LMX1A: variants seen among roughly 807,000 people sequenced by gnomAD.
LMX1A encodes the protein LIM homeobox transcription factor 1-alpha.
A neutral mutation model predicts 49.1 loss-of-function variants in LMX1A; 15 were observed. The ratio of observed to expected loss-of-function variants is 0.31; its 90% CI spans 0.20 to 0.47. LMX1A has a LOEUF of 0.47. Among genes scored for constraint, LMX1A ranks in the 20% least tolerant of loss-of-function variants. The pLI, the probability that LMX1A is intolerant of heterozygous loss-of-function variation, is 1.00. For synonymous variants in LMX1A, 167 were observed against 185.7 expected (o/e 0.90, Z 0.82); for missense variants, 372 against 475.8 (o/e 0.78, Z 2.03).
At chr1:165,285,005 CA>C (rs1234452025) in intron 3 of LMX1A, among the ~76,000 whole-genome samples, 2 of 152,218 alleles carry the variant, frequency 1.3e-5, no homozygotes, top group African/African-American at 4.8e-5. Flanking sequence ...CTGGCTATGC[CA>C]GATGGGAAGT....
intron 4 of LMX1A, among the ~76,000 whole-genome samples, chr1:165,227,676 AT>A (rs983386196): frequency 1.3e-5 from 2 of 152,098 alleles, no homozygotes; most frequent in African/African-American, 4.8e-5. Flanking sequence ...AAAAGTACTT[AT>A]TTTCCCCAAA....
chr1:165,345,347 G>C (rs1055366387), intron 3 of LMX1A, among the ~76,000 whole-genome samples: 1 of 152,196 alleles, frequency 6.6e-6, no homozygotes, highest in African/African-American at 2.4e-5. Context: ...CTGGTGCTAA[G>C]AGATGAAGGA....
intron 3 of LMX1A, among the ~76,000 whole-genome samples, chr1:165,300,772 C>CT (rs1336347979): frequency 6.6e-6 from 1 of 152,224 alleles, no homozygotes; most frequent in Non-Finnish European, 1.5e-5. Flanking sequence ...TTGCAGAGCA[C>CT]TTGCATATAA....
Position 165,353,057 on chromosome 1 carries a change from C to T in LMX1A, c.263+19G>A. ...TGATGCCAGTGCGCGGGGAGCGCTGCGGGGGTGCGGCCACTTACTTCTCGT... is the reference window on the plus strand; with the variant it reads ...TGATGCCAGTGCGCGGGGAGCGCTGTGGGGGTGCGGCCACTTACTTCTCGT... On this transcript the variant is annotated intron_variant, in intron 3 of 8. Transcript: ENST00000342310. 1 of 1,612,442 alleles carries T rather than the reference C, an allele frequency of 6.2e-7. No homozygotes were observed.
At chr1:165,323,812 T>C (rs939288897) in intron 3 of LMX1A, among the ~76,000 whole-genome samples, 9 of 151,900 alleles carry the variant, frequency 5.9e-5, no homozygotes, top group African/African-American at 1.9e-4. Flanking sequence ...TACTTTCACA[T>C]CTGTGCTTTT....
chr1:165,216,281 G>C (rs1342126111), intron 4 of LMX1A: 1 of 152,182 alleles, frequency 6.6e-6, no homozygotes, highest in Non-Finnish European at 1.5e-5. Flanking sequence ...GAGGATAAAA[G>C]GTAGAAAAAA....
At chr1:165,213,577 A>G in intron 5 of LMX1A, 64 bp downstream of exon 5, 1 of 1,418,818 alleles carries the variant, frequency 7.0e-7, no homozygotes, top group South Asian at 1.3e-5. Context: ...GAGATCCCAG[A>G]GGGGTCTGAG....
intron 4 of LMX1A, among the ~76,000 whole-genome samples, chr1:165,235,852 C>G (rs1056211453): frequency 2.6e-5 from 4 of 152,212 alleles, no homozygotes; most frequent in African/African-American, 9.6e-5. Flanking sequence ...GAACATATGG[C>G]CCTACCGCCG....
At chr1:165,209,137 C>A (rs1300513941) in intron 6 of LMX1A, among the ~76,000 whole-genome samples, 1 of 152,164 alleles carries the variant, frequency 6.6e-6, no homozygotes, top group Non-Finnish European at 1.5e-5. Context: ...TTTATGAATC[C>A]ATAGGCTATA....
At chr1:165,275,820 G>A (rs1055973511) in intron 3 of LMX1A, among the ~76,000 whole-genome samples, 3 of 150,450 alleles carry the variant, frequency 2.0e-5, no homozygotes, top group Non-Finnish European at 4.4e-5. Context: ...GGTTTCTAGA[G>A]CTTTTATGGC....
At chr1:165,274,949 A>G (rs1571195010) in intron 3 of LMX1A, among the ~76,000 whole-genome samples, 2 of 152,326 alleles carry the variant, frequency 1.3e-5, no homozygotes, top group African/African-American at 2.4e-5. Context: ...TAGGTGCTCA[A>G]TAATTGGTAG....
chr1:165,315,189 T>C (rs1655183896), intron 3 of LMX1A, among the ~76,000 whole-genome samples: 1 of 152,210 alleles, frequency 6.6e-6, no homozygotes, highest in Admixed American at 6.5e-5. Flanking sequence ...GTGAAAGTCT[T>C]TCTAGTAAGT....
At chr1:165,311,901 C>T (rs1007764763) in intron 3 of LMX1A, among the ~76,000 whole-genome samples, 1 of 152,186 alleles carries the variant, frequency 6.6e-6, no homozygotes, top group Non-Finnish European at 1.5e-5. Context: ...AGCCTTCAGT[C>T]TTAACTCGCA....
intron 3 of LMX1A, among the ~76,000 whole-genome samples, chr1:165,287,515 C>T (rs1654333200): frequency 6.6e-6 from 1 of 152,056 alleles, no homozygotes; most frequent in Non-Finnish European, 1.5e-5. Context: ...CTTTGTGTCC[C>T]AGAGCACTGG....
At chr1:165,307,739 C>T (rs1504695) in intron 3 of LMX1A, among the ~76,000 whole-genome samples, 262 of 152,340 alleles carry the variant, frequency 1.7e-3, no homozygotes, top group African/African-American at 6.0e-3. Context: ...AGGGAATTTT[C>T]ATCCATAGGA....
intron 6 of LMX1A, among the ~76,000 whole-genome samples, chr1:165,209,700 T>C (rs748050568): frequency 1.3e-5 from 2 of 152,228 alleles, no homozygotes; most frequent in Non-Finnish European, 2.9e-5. Flanking sequence ...ATCACATTAT[T>C]CACATCTATT....
chr1:165,291,471 T>C (rs762529308), intron 3 of LMX1A, among the ~76,000 whole-genome samples: 2 of 152,220 alleles, frequency 1.3e-5, no homozygotes, highest in Non-Finnish European at 2.9e-5. Flanking sequence ...GTTCAGTTTC[T>C]TCATCCAGAA....
At chr1:165,230,043 C>T (rs1571162939) in intron 4 of LMX1A, among the ~76,000 whole-genome samples, 3 of 152,194 alleles carry the variant, frequency 2.0e-5, no homozygotes, top group Non-Finnish European at 4.4e-5. Flanking sequence ...TTTAAAGGAA[C>T]TCCAGAGAGC....
chr1:165,266,754 AC>A (rs1471033180), intron 3 of LMX1A, among the ~76,000 whole-genome samples: 8 of 151,346 alleles, frequency 5.3e-5, no homozygotes, highest in Non-Finnish European at 1.2e-4. Flanking sequence ...GGTACCCGCC[AC>A]CACGCCCAGC....
Sources: allele counts gnomAD v4.1 joint callset (sites outside exome capture counted in the v4.1 genomes callset), GRCh38; gene constraint gnomAD v4.1.1; transcripts MANE v1.5; gene names NCBI Gene and HGNC (gene_info 2026-07-23, HGNC 2026-07-21).